Variants in GTF3C2 observed in about 807,000 individuals in gnomAD.
The protein encoded by GTF3C2 is general transcription factor IIIC subunit 2.
In GTF3C2, 17 loss-of-function variants were observed where a neutral mutation model predicts 117.4. The ratio of observed to expected loss-of-function variants is 0.14; its 90% CI spans 0.10 to 0.22. The LOEUF is 0.22. Among genes scored for constraint, GTF3C2 ranks in the 10% least tolerant of loss-of-function variants. The probability of loss-of-function intolerance (pLI) is 1.00; values close to 1 mark genes in which losing one functional copy is unlikely to be tolerated. For missense variants in GTF3C2, 888 were observed against 1,143.6 expected (o/e 0.78, Z 3.22); for synonymous variants, 437 against 427.0 (o/e 1.02, Z -0.29).
chr2:27,356,014 T>G, intron 1 of GTF3C2: 1 of 918,086 alleles, frequency 1.1e-6, no homozygotes, highest in Non-Finnish European at 1.5e-6. Context: ...TGATAAGAGA[T>G]TGCAAAAATA....
At chr2:27,343,561 C>G in exon 2 of GTF3C2, 1 of 1,613,478 alleles carries the variant, frequency 6.2e-7, no homozygotes, top group Non-Finnish European at 8.5e-7. Flanking sequence ...CCATCAGCAC[C>G]CCCCAAAATG....
chr2:27,334,125 A>C, intron 10 of GTF3C2, 126 bp from the exon 11 acceptor site: 1 of 728,482 alleles, frequency 1.4e-6, no homozygotes, highest in Non-Finnish European at 2.5e-6. Context: ...TCCTGGGCTC[A>C]AGCAATCCTC....
In GTF3C2 at chr2:27,348,271, A is replaced by G. The variant is rs201232671; in HGVS notation, c.-24-4693T>C. Among the ~76,000 whole-genome samples the G allele has an allele frequency of 8.0e-3, 423 of 52,658 alleles. 11 individuals are homozygous for G. The highest frequency in any genetic ancestry group is 0.076 in the East Asian group (271 of 3,564). 34.5% of individuals were successfully genotyped at this position (52,658 alleles called of 152,430 possible). A position where few individuals can be genotyped will look rare whatever the true frequency, so the allele number is the denominator to read the frequency against. On this transcript the variant is annotated intron_variant, in intron 1 of 18. Coordinates refer to ENST00000264720, the Ensembl canonical transcript of GTF3C2. Reference sequence around the variant, plus strand: ...GACAGAGCAGGACTCCGTCTGAGGGAAAAAAAAAAAAAAAACTAGCTGGGC... The same window carrying G: ...GACAGAGCAGGACTCCGTCTGAGGGGAAAAAAAAAAAAAAACTAGCTGGGC...
intron 1 of GTF3C2, among the ~76,000 whole-genome samples, chr2:27,352,175 T>C (rs1349600153): frequency 6.6e-6 from 1 of 152,178 alleles, no homozygotes; most frequent in African/African-American, 2.4e-5. Flanking sequence ...CTGATATTCA[T>C]CTTCTTGTTC....
chr2:27,335,460 A>G (rs1219326075), intron 10 of GTF3C2, 138 bp downstream of exon 10: 1 of 715,436 alleles, frequency 1.4e-6, no homozygotes, highest in East Asian at 2.7e-5. Context: ...CTGAGTCACA[A>G]TGCAGGGTGT....
rs1199330474 is a variant in GTF3C2, at chr2:27,333,158, C to CT, written c.1732+496dup. On this transcript the variant is annotated intron_variant, in intron 12 of 18. Transcript: ENST00000264720. ...CCACCACACCTGGCCGGCATCTACT[C>CT]TTTTTTTTTTTTTTTTTTTTTCCAG... Among the ~76,000 whole-genome samples the CT allele has an allele frequency of 9.4e-3, 1,222 of 130,164 alleles. 18 individuals carry two copies. Among genetic ancestry groups the CT allele is most frequent in the East Asian group, 0.035 (158 of 4,490 alleles). The allele number at this position is 130,164 out of a possible 152,430, so 85.4% of individuals were successfully genotyped here.
intron 7 of GTF3C2, 99 bp from the exon 8 acceptor site, chr2:27,336,524 C>T (rs1308314776): frequency 5.8e-6 from 4 of 691,426 alleles, no homozygotes; most frequent in South Asian, 1.8e-5. Flanking sequence ...CTGGCTCAAG[C>T]AAGAGCCTGA....
At chr2:27,333,158 C>CTT (rs1199330474) in intron 12 of GTF3C2, among the ~76,000 whole-genome samples, 11 of 130,168 alleles carry the variant, frequency 8.5e-5, no homozygotes, top group East Asian at 2.2e-4. Context: ...GGCATCTACT[C>CTT]TTTTTTTTTT....
At chr2:27,346,726 GCT>G (rs1286238748) in intron 1 of GTF3C2, among the ~76,000 whole-genome samples, 1 of 148,350 alleles carries the variant, frequency 6.7e-6, no homozygotes, top group Non-Finnish European at 1.5e-5. Flanking sequence ...TCAGGATCTC[GCT>G]CTGTCACCCA....
intron 5 of GTF3C2, 39 bp from the exon 6 acceptor site, chr2:27,337,597 T>G (rs748365097): frequency 1.5e-6 from 2 of 1,332,282 alleles, no homozygotes; most frequent in Non-Finnish European, 1.1e-6. Flanking sequence ...GGAGAGGGAT[T>G]CTACAGCCGC....
At chr2:27,354,108 TCAACAA>T (rs372197414) in intron 1 of GTF3C2, among the ~76,000 whole-genome samples, 3 of 149,166 alleles carry the variant, frequency 2.0e-5, no homozygotes, top group Non-Finnish European at 3.0e-5. Context: ...AAATCCTGTC[TCAACAA>T]CAACAACAAA....
At chr2:27,340,044 C>T (rs1214566916) in intron 4 of GTF3C2, 1 of 151,594 alleles carries the variant, frequency 6.6e-6, no homozygotes, top group Non-Finnish European at 1.5e-5. Context: ...CTCCCCTCCC[C>T]ACCTTTGCCC....
exon 3 of GTF3C2, chr2:27,342,841 C>T (rs1558620040): frequency 6.2e-7 from 1 of 1,613,398 alleles, no homozygotes; most frequent in Non-Finnish European, 8.5e-7. Context: ...GGCAGCCCTT[C>T]GGCGGGGTCG....
chr2:27,346,744 G>C (rs1255312518), intron 1 of GTF3C2, among the ~76,000 whole-genome samples: 1 of 151,322 alleles, frequency 6.6e-6, no homozygotes, highest in Non-Finnish European at 1.5e-5. Context: ...ACCCAGACTA[G>C]AATGTGGTGG....
intron 1 of GTF3C2, among the ~76,000 whole-genome samples, chr2:27,352,467 C>T (rs1021359678): frequency 1.3e-5 from 2 of 152,184 alleles, no homozygotes; most frequent in African/African-American, 2.4e-5. Flanking sequence ...CCAAACCTTT[C>T]ACTTGTGTTC....
At chr2:27,353,858 G>A (rs1488798356) in intron 1 of GTF3C2, among the ~76,000 whole-genome samples, 1 of 151,936 alleles carries the variant, frequency 6.6e-6, no homozygotes, top group East Asian at 1.9e-4. Flanking sequence ...AGGTCACTGG[G>A]ACCACATGCA....
chr2:27,343,932 T>C (rs1680831429), intron 1 of GTF3C2, among the ~76,000 whole-genome samples: 1 of 151,160 alleles, frequency 6.6e-6, no homozygotes, highest in Admixed American at 6.6e-5. Flanking sequence ...AAACTGGTGA[T>C]ATGACAATAA....
chr2:27,340,253 T>C (rs1039644450), intron 4 of GTF3C2: 1 of 152,090 alleles, frequency 6.6e-6, no homozygotes, highest in African/African-American at 2.4e-5. Context: ...ACATATCTCT[T>C]CTTTTTTTAA....
chr2:27,326,024 A>C (rs1480442980), exon 19 of GTF3C2: 1 of 268,182 alleles, frequency 3.7e-6, no homozygotes, highest in East Asian at 1.1e-4. Flanking sequence ...ATTTTAAAAA[A>C]CATGACTGTT....
Sources: gnomAD v4.1 joint callset for allele counts (sites outside exome capture counted in the v4.1 genomes callset) on GRCh38, gnomAD v4.1.1 for gene constraint, MANE v1.5 for transcripts, NCBI Gene and HGNC (gene_info 2026-07-23, HGNC 2026-07-21) for gene names.